SYNE1: variants seen among roughly 807,000 people sequenced by gnomAD.
SYNE1 encodes nesprin-1.
Under a neutral mutation model 1,111.0 loss-of-function variants are expected in SYNE1, and 616 were observed. That is an observed-to-expected ratio of 0.55 (90% CI 0.52 to 0.59). SYNE1 has a LOEUF of 0.59. SYNE1 is among the 20% of genes least tolerant of loss of function. The pLI, the probability that SYNE1 is intolerant of heterozygous loss-of-function variation, is 0.00. For synonymous variants in SYNE1, 3,855 were observed against 3,825.8 expected (o/e 1.01, Z -0.28); for missense variants, 10,006 against 10,417.0 (o/e 0.96, Z 1.72).
At position 152,293,733 on chromosome 6, in the gene SYNE1, C is replaced by A. The variant is rs80265744; in HGVS notation, c.17867G>T (p.Arg5956Leu). The A allele has an allele frequency of 6.3e-7, 1 of 1,590,538 alleles. No individual in the cohort carries two copies. Among genetic ancestry groups the A allele is most frequent in the Non-Finnish European group, 8.5e-7 (1 of 1,169,750 alleles). ...GCGTTCCAAAGCTTCATAGAGTGTG[C>A]GCTGCTTCTCACTGATCTACACCAG... Reference protein sequence around the residue: ...TLKNVISEKQRTLYEALERQQ... With the variant: ...TLKNVISEKQLTLYEALERQQ... Residue 5956 changes from arginine to leucine, a missense_variant, in exon 95 of 146, where the codon CGC (arginine) becomes CTC (leucine). By Grantham distance (102) the Arg-to-Leu change is moderately radical. Around this residue, in one of 7 missense-constraint regions of SYNE1, gnomAD observed 4,955 missense variants for 5,017.2 expected, o/e 0.99. Transcript: ENST00000367255.
At chr6:152,513,434 C>A (rs1320611691) in intron 6 of SYNE1, among the ~76,000 whole-genome samples, 4 of 152,136 alleles carry the variant, frequency 2.6e-5, no homozygotes, top group Non-Finnish European at 4.4e-5. Context: ...CAACCTCCAC[C>A]TCCCAGGTTC....
intron 3 of SYNE1, among the ~76,000 whole-genome samples, chr6:152,605,024 GAGAGA>G (rs2099609702): frequency 1.4e-5 from 1 of 72,966 alleles, no homozygotes; most frequent in African/African-American, 6.2e-5. Context: ...GAGAGAGAGA[GAGAGA>G]GAGAGAGGGA....
Position 152,149,698 on chromosome 6 carries a change from C to T in SYNE1, c.24451-30G>A, listed in dbSNP as rs765988551. 21 of 1,595,116 alleles carry T rather than the reference C, an allele frequency of 1.3e-5. No individual in the cohort carries two copies. The Admixed American group carries it at 3.3e-4, about 25-fold the overall frequency. ...GGAGTACAAATCTCATGTGATTTTG[C>T]TATTGTTGTTGCTTACATTGATATA... On this transcript the variant is annotated intron_variant, in intron 135 of 145. Coordinates refer to ENST00000367255, the MANE Select transcript of SYNE1 (RefSeq NM_182961.4).
chr6:152,250,754 C>T lies in SYNE1; in HGVS notation c.19471-1492G>A, dbSNP rs1588720311. Among the ~76,000 whole-genome samples the T allele has an allele frequency of 2.0e-5, 3 of 152,294 alleles. No individual in the cohort carries two copies. The East Asian group carries it at 5.8e-4, about 29-fold the overall frequency. On this transcript the variant is annotated intron_variant, in intron 104 of 145. Transcript: ENST00000367255. ...AGTAAGGTCACGTGGGCCATTAAAACCATCACACATTTATCTGTTTTTAAA... is the reference window on the plus strand; with the variant it reads ...AGTAAGGTCACGTGGGCCATTAAAATCATCACACATTTATCTGTTTTTAAA...
chr6:152,176,344 G>A (rs2066452111), intron 130 of SYNE1, 50 bp downstream of exon 130: 9 of 1,610,602 alleles, frequency 5.6e-6, no homozygotes, highest in African/African-American at 1.3e-5. Context: ...CAGACTGAAA[G>A]GCTTTAAAAT....
chr6:152,518,754 A>G (rs1321041033), intron 6 of SYNE1, among the ~76,000 whole-genome samples: 1 of 152,152 alleles, frequency 6.6e-6, no homozygotes, highest in Non-Finnish European at 1.5e-5. Flanking sequence ...TAAAACTTGC[A>G]GTGTTTAACT....
intron 3 of SYNE1, among the ~76,000 whole-genome samples, chr6:152,559,684 G>T (rs965100364): frequency 2.0e-5 from 3 of 152,024 alleles, no homozygotes; most frequent in African/African-American, 7.2e-5. Flanking sequence ...TTTAAAAAAA[G>T]AAAGATTTTA....
chr6:152,553,530 G>A (rs1174195042), intron 3 of SYNE1, among the ~76,000 whole-genome samples: 2 of 152,018 alleles, frequency 1.3e-5, no homozygotes, highest in African/African-American at 2.4e-5. Context: ...TTATCTTCCC[G>A]AGCTACAAAC....
At chr6:152,559,197 C>G (rs2099386461) in intron 3 of SYNE1, among the ~76,000 whole-genome samples, 1 of 151,984 alleles carries the variant, frequency 6.6e-6, no homozygotes, top group African/African-American at 2.4e-5. Context: ...TGGGCTCAAG[C>G]AATCCTCCCA....
chr6:152,269,101 C>T, intron 99 of SYNE1, 54 bp downstream of exon 99: 5 of 1,613,574 alleles, frequency 3.1e-6, no homozygotes, highest in Non-Finnish European at 4.2e-6. Context: ...ATATGCCTCT[C>T]AGGTTCTTCT....
At position 152,455,405 on chromosome 6, in the gene SYNE1, T is replaced by C. The variant is rs148626610; in HGVS notation, c.2892+21A>G. ...TTTGTCCATGTATTCAGGTCAAGTG[T>C]CCCCTAAAGGGTGGACTCACAGTGT... is the stretch of plus-strand genomic sequence containing the variant. On this transcript the variant is annotated intron_variant, in intron 24 of 145. Coordinates refer to ENST00000367255, the MANE Select transcript of SYNE1 (RefSeq NM_182961.4). 0.011 allele frequency: 17,176 copies of C among 1,608,020 alleles called. 108 individuals are homozygous for C. Among genetic ancestry groups the C allele is most frequent in the Middle Eastern group, 0.028 (165 of 5,974 alleles).
chr6:152,565,197 C>T (rs1330511465), intron 3 of SYNE1, among the ~76,000 whole-genome samples: 1 of 152,118 alleles, frequency 6.6e-6, no homozygotes, highest in Non-Finnish European at 1.5e-5. Context: ...CCACTAGCTT[C>T]AACACTAAGA....
At chr6:152,238,611 A>T (rs2153545737) in intron 108 of SYNE1, among the ~76,000 whole-genome samples, 1 of 152,316 alleles carries the variant, frequency 6.6e-6, no homozygotes, top group South Asian at 2.1e-4. Flanking sequence ...TACGACCTGC[A>T]GGCAACCCAG....
intron 62 of SYNE1, 59 bp downstream of exon 62, chr6:152,367,159 G>A (rs1020601110): frequency 6.2e-7 from 1 of 1,608,246 alleles, no homozygotes. Context: ...ATGGAGACGG[G>A]AAATTTTGAG....
At position 152,601,933 on chromosome 6, in the gene SYNE1, C is replaced by T. The variant is rs986945185; in HGVS notation, c.67+26332G>A. On this transcript the variant is annotated intron_variant, in intron 3 of 145. Transcript: ENST00000367255. The stretch of plus-strand genomic sequence containing the variant: ...GGTTCACCTGGCCATTCTCATCTTG[C>T]CTACCCACATGCTGCTTGTCCTGGA... 2.6e-5 allele frequency among the ~76,000 whole-genome samples: 4 copies of T among 152,230 alleles called. No individual in the cohort carries two copies. The South Asian group carries it at 6.2e-4, about 24-fold the overall frequency.
At chr6:152,147,890 T>C (rs909525378) in intron 137 of SYNE1, 155 bp downstream of exon 137, 3 of 729,174 alleles carry the variant, frequency 4.1e-6, no homozygotes, top group Admixed American at 2.5e-5. Flanking sequence ...TTTTGCATTT[T>C]ATAATCACAT....
At chr6:152,438,443 TA>T (rs1406930626) in intron 32 of SYNE1, among the ~76,000 whole-genome samples, 7 of 152,140 alleles carry the variant, frequency 4.6e-5, no homozygotes, top group Middle Eastern at 6.8e-3. Context: ...ATGATGGTGA[TA>T]AAAAAACAAA....
chr6:152,542,590 G>A (rs940455627), intron 3 of SYNE1, among the ~76,000 whole-genome samples: 2 of 151,830 alleles, frequency 1.3e-5, no homozygotes. Context: ...ATATAAAACT[G>A]TCAAGACACT....
Position 152,171,623 on chromosome 6 carries a change from C to T in SYNE1, c.23627+4771G>A, listed in dbSNP as rs148953201. Among the ~76,000 whole-genome samples the T allele has an allele frequency of 8.4e-3, 1,280 of 152,290 alleles. 19 individuals are homozygous for T. The highest frequency in any genetic ancestry group is 0.029 in the African/African-American group (1,201 of 41,548). ...AATCAGGAGCTGGCCAGGCCAGGGG[C>T]AGGCAGGAGAATGCCCAGGAAGAGA... is the stretch of plus-strand genomic sequence containing the variant. On this transcript the variant is annotated intron_variant, in intron 130 of 145. Transcript: ENST00000367255.
Sources: gnomAD v4.1 joint callset for allele counts (sites outside exome capture counted in the v4.1 genomes callset) on GRCh38, gnomAD v4.1.1 for gene constraint, gnomAD v4.1.1 regional missense constraint, MANE v1.5 for transcripts, NCBI Gene and HGNC (gene_info 2026-07-23, HGNC 2026-07-21) for gene names.